The following LRRC74A variants were observed in gnomAD, a reference collection of about 807,000 sequenced individuals.
LRRC74A encodes leucine-rich repeat-containing protein 74A.
LRRC74A carries 44 observed loss-of-function variants against 57.9 expected under a neutral mutation model. That is an observed-to-expected ratio of 0.76 (90% CI 0.60 to 0.98). The LOEUF is 0.98. LRRC74A is among the 50% of genes least tolerant of loss of function. The pLI, the probability that LRRC74A is intolerant of heterozygous loss-of-function variation, is 0.00. For missense variants in LRRC74A, 572 were observed against 574.0 expected (o/e 1.00, Z 0.04); for synonymous variants, 211 against 219.4 (o/e 0.96, Z 0.34).
In LRRC74A at chr14:76,826,520, C is replaced by G. The variant is rs1377501980; in HGVS notation, c.-178C>G. The G allele has an allele frequency of 1.9e-6, 3 of 1,605,212 alleles. No homozygotes were observed. In the South Asian group the frequency reaches 3.4e-5, roughly 18 times the overall value. On this transcript the variant is annotated 5_prime_UTR_variant, in exon 1 of 14. Transcript: ENST00000689127. Reference sequence around the variant, plus strand: ...CATGCACATCCAATTCCCATCAAAGCCTACTCTTCCCAGGGCTTGCTGGGA... The same window carrying G: ...CATGCACATCCAATTCCCATCAAAGGCTACTCTTCCCAGGGCTTGCTGGGA...
intron 7 of LRRC74A, among the ~76,000 whole-genome samples, chr14:76,849,965 T>G (rs1897332344): frequency 6.6e-6 from 1 of 152,000 alleles, no homozygotes; most frequent in African/African-American, 2.4e-5. Context: ...TCCCAGCACT[T>G]TGGGAGGCCG....
intron 7 of LRRC74A, among the ~76,000 whole-genome samples, chr14:76,848,134 T>TG (rs1897226831): frequency 1.4e-5 from 1 of 73,776 alleles, no homozygotes; most frequent in Non-Finnish European, 2.6e-5. Context: ...GATCCTGGGG[T>TG]GGGGGGAGTG....
intron 10 of LRRC74A, among the ~76,000 whole-genome samples, chr14:76,857,775 A>G (rs1898014414): frequency 6.6e-6 from 1 of 152,250 alleles, no homozygotes; most frequent in Admixed American, 6.5e-5. Context: ...GAGGACTCCA[A>G]AACAGAATTC....
At chr14:76,842,303 G>GT in intron 5 of LRRC74A, among the ~76,000 whole-genome samples, 1 of 152,212 alleles carries the variant, frequency 6.6e-6, no homozygotes, top group Middle Eastern at 3.4e-3. Flanking sequence ...AATAATGAAA[G>GT]TTTTTTCTTT....
At chr14:76,840,532 T>C (rs559625710) in intron 5 of LRRC74A, among the ~76,000 whole-genome samples, 2 of 152,106 alleles carry the variant, frequency 1.3e-5, no homozygotes, top group South Asian at 4.2e-4. Context: ...ATTATAAATA[T>C]AGGTTTCCTT....
chr14:76,828,604 C>A, intron 2 of LRRC74A, 185 bp downstream of exon 2: 1 of 832,182 alleles, frequency 1.2e-6, no homozygotes, highest in Non-Finnish European at 2.0e-6. Flanking sequence ...CAGGGGAGAG[C>A]AGCTGCAGCT....
chr14:76,839,095 A>G (rs772244884), intron 5 of LRRC74A, among the ~76,000 whole-genome samples: 7 of 152,232 alleles, frequency 4.6e-5, no homozygotes, highest in Non-Finnish European at 8.8e-5. Context: ...CCTATTTGGG[A>G]GAAAGGAGAT....
rs770261352 is a variant in LRRC74A at position 76,852,444 on chromosome 14, T to G, written c.756T>G (p.Gly252=). The change falls in exon 8 of 14, where the codon GGT becomes GGG. Residue 252 remains glycine (G), a synonymous_variant. Transcript: ENST00000689127. ...GGGGAGCTGTGGCCTTGTGCAATGG[T>G]CTCCGGGTAAGGCACTCTCCAGGAG... is the stretch of plus-strand genomic sequence containing the variant. The part of the protein sequence containing the change: ...HTRGAVALCN[G]LRGNVTLTKL... 1.4e-5 allele frequency: 22 copies of G among 1,604,468 alleles called. No homozygotes were observed. The African/African-American group carries it at 2.4e-4, about 18-fold the overall frequency.
intron 9 of LRRC74A, among the ~76,000 whole-genome samples, chr14:76,855,977 C>A (rs10135424): frequency 0.035 from 5,256 of 152,274 alleles, 201 homozygotes; most frequent in East Asian, 0.11. Flanking sequence ...GTAAGCAGAG[C>A]CACCAGGCTC....
In LRRC74A at chr14:76,832,942, G is replaced by T. The variant is rs924326957; in HGVS notation, c.339+1567G>T. ...GAGAGCAGCTGACCTCATGACCAAT[G>T]CTGTGTGTGCTGCAAGCTGGGCTGA... On this transcript the variant is annotated intron_variant, in intron 3 of 13. Transcript: ENST00000689127. 3.9e-5 allele frequency among the ~76,000 whole-genome samples: 6 copies of T among 152,330 alleles called. No individual in the cohort carries two copies. The East Asian group carries it at 1.2e-3, about 29-fold the overall frequency.
rs1016513747 is a variant in LRRC74A, at chr14:76,826,435, C to T, written c.-263C>T. The T allele has an allele frequency of 9.3e-6, 12 of 1,290,276 alleles. No individual in the cohort carries two copies. The highest frequency in any genetic ancestry group is 8.9e-5 in the African/African-American group (6 of 67,786). The allele number at this position is 1,290,276 out of a possible 1,614,324, so 79.9% of individuals were successfully genotyped here. ...AGGGCTCCCAGCAATAGAGCAGTCC[C>T]ACTCTCCCAGATGAGCTGGAGAAGT... is the stretch of plus-strand genomic sequence containing the variant. On this transcript the variant is annotated 5_prime_UTR_variant, in exon 1 of 14. Transcript: ENST00000689127.
intron 11 of LRRC74A, 97 bp downstream of exon 11, chr14:76,860,936 G>A (rs1898254594): frequency 2.5e-6 from 3 of 1,176,770 alleles, no homozygotes; most frequent in Admixed American, 4.6e-5. Flanking sequence ...TCCCCACAGT[G>A]TCTGTACAAC....
At chr14:76,863,908 C>T (rs1356590732) in intron 11 of LRRC74A, among the ~76,000 whole-genome samples, 1 of 152,248 alleles carries the variant, frequency 6.6e-6, no homozygotes, top group Non-Finnish European at 1.5e-5. Context: ...GAAGCAACCA[C>T]AGCCGCTGCC....
chr14:76,846,387 A>T (rs1471789867), intron 7 of LRRC74A, among the ~76,000 whole-genome samples: 1 of 152,240 alleles, frequency 6.6e-6, no homozygotes, highest in African/African-American at 2.4e-5. Flanking sequence ...TCTATGATGC[A>T]GAAATTCCCT....
rs753892818 is a variant in LRRC74A at position 76,853,396 on chromosome 14, C to G, written c.943C>G (p.Leu315Val). Residue 315 changes from leucine to valine, a missense_variant, in exon 9 of 14, where the codon CTC becomes GTC. Physicochemically the swap from Leu to Val is conservative, Grantham distance 32. Coordinates refer to ENST00000689127, the MANE Select transcript of LRRC74A (RefSeq NM_001385106.1). Reference protein sequence around the residue: ...ISKGLESNESLRVLKLFLNPI... With the variant: ...ISKGLESNESVRVLKLFLNPI... ...CAAAGGACTGGAATCCAATGAAAGC[C>G]TCAGAGTTCTGAAGGTAGTCTTCAG... The G allele has an allele frequency of 1.6e-5, 25 of 1,602,994 alleles. No homozygotes were observed. The South Asian group carries it at 2.8e-4, about 18-fold the overall frequency.
chr14:76,829,063 A>G, intron 2 of LRRC74A: 1 of 1,289,398 alleles, frequency 7.8e-7, no homozygotes. Flanking sequence ...TAATGCAAAT[A>G]ACACCTCCAC....
chr14:76,856,729 C>G (rs1897911416), intron 9 of LRRC74A, among the ~76,000 whole-genome samples: 1 of 137,546 alleles, frequency 7.3e-6, no homozygotes, highest in African/African-American at 2.8e-5. Flanking sequence ...GATGGATGAG[C>G]AGTGAGATGG....
At chr14:76,839,068 A>G (rs1193708840) in intron 5 of LRRC74A, among the ~76,000 whole-genome samples, 1 of 152,242 alleles carries the variant, frequency 6.6e-6, no homozygotes, top group Admixed American at 6.5e-5. Flanking sequence ...GACATACCAT[A>G]GTTTATTTAA....
intron 12 of LRRC74A, 46 bp from the exon 13 acceptor site, chr14:76,867,310 G>T: frequency 1.1e-6 from 1 of 918,646 alleles, no homozygotes; most frequent in South Asian, 1.4e-5. Flanking sequence ...CTAGGGAGGG[G>T]TGAACAGAGT....
Sources: allele counts gnomAD v4.1 joint callset (sites outside exome capture counted in the v4.1 genomes callset), GRCh38; gene constraint gnomAD v4.1.1; transcripts MANE v1.5; gene names NCBI Gene and HGNC (gene_info 2026-07-23, HGNC 2026-07-21).